GPR39: variants seen among roughly 807,000 people sequenced by gnomAD.
GPR39 encodes the protein zinc sensing receptor.
A neutral mutation model predicts 18.4 loss-of-function variants in GPR39; 23 were observed. The ratio of observed to expected loss-of-function variants is 1.25; its 90% CI spans 0.90 to 1.77. The LOEUF is 1.77. Ranked by LOEUF, GPR39 falls within the 40% of genes most tolerant of loss-of-function variation. The probability of loss-of-function intolerance (pLI) is 0.00; values close to 1 mark genes in which losing one functional copy is unlikely to be tolerated. For missense variants in GPR39, 647 were observed against 602.4 expected (o/e 1.07, Z -0.78); for synonymous variants, 280 against 257.9 (o/e 1.09, Z -0.82).
At chr2:132,574,818 C>G (rs1680502435) in intron 1 of GPR39, among the ~76,000 whole-genome samples, 1 of 152,094 alleles carries the variant, frequency 6.6e-6, no homozygotes, top group Non-Finnish European at 1.5e-5. Context: ...GTAAAAGATA[C>G]AACTTAGTAT....
At chr2:132,585,234 C>T (rs939064471) in intron 1 of GPR39, among the ~76,000 whole-genome samples, 4 of 152,134 alleles carry the variant, frequency 2.6e-5, no homozygotes, top group African/African-American at 9.7e-5. Flanking sequence ...TGGGGGCTCT[C>T]TGTGGGCCCT....
At chr2:132,459,216 G>A (rs1260190963) in intron 1 of GPR39, among the ~76,000 whole-genome samples, 1 of 151,588 alleles carries the variant, frequency 6.6e-6, no homozygotes, top group Admixed American at 6.6e-5. Flanking sequence ...TAGAATTTGT[G>A]TTTGTGTCTC....
chr2:132,498,301 T>G (rs201500825), intron 1 of GPR39, among the ~76,000 whole-genome samples: 1 of 152,178 alleles, frequency 6.6e-6, no homozygotes. Context: ...TCCTCATAGC[T>G]TAGCTTCCAC....
intron 1 of GPR39, among the ~76,000 whole-genome samples, chr2:132,607,892 C>G (rs1219416133): frequency 6.6e-6 from 1 of 152,120 alleles, no homozygotes; most frequent in African/African-American, 2.4e-5. Flanking sequence ...TGTTTCAAAA[C>G]AGTGAGGATC....
At chr2:132,513,462 C>CAAAA (rs35917253) in intron 1 of GPR39, among the ~76,000 whole-genome samples, 55,123 of 148,928 alleles carry the variant, frequency 0.37, 10,831 homozygotes, top group Non-Finnish European at 0.44. Flanking sequence ...GACTCTGTCT[C>CAAAA]AAAAAAAAAG....
chr2:132,631,692 A>G (rs1681652215), intron 1 of GPR39, among the ~76,000 whole-genome samples: 1 of 152,250 alleles, frequency 6.6e-6, no homozygotes, highest in Non-Finnish European at 1.5e-5. Flanking sequence ...AGATAATAAG[A>G]AATGGAATTT....
intron 1 of GPR39, among the ~76,000 whole-genome samples, chr2:132,492,898 C>T (rs1360534330): frequency 1.5e-5 from 2 of 133,664 alleles, no homozygotes; most frequent in African/African-American, 5.7e-5. Flanking sequence ...ATATATATAC[C>T]ATATATATAC....
chr2:132,443,715 T>A (rs1464947702), intron 1 of GPR39, among the ~76,000 whole-genome samples: 2 of 152,230 alleles, frequency 1.3e-5, no homozygotes, highest in African/African-American at 4.8e-5. Context: ...TTAGTCAATT[T>A]GCTGATCTTT....
chr2:132,561,577 TACACACACACAC>T (rs55653432), intron 1 of GPR39, among the ~76,000 whole-genome samples: 16,861 of 147,926 alleles, frequency 0.11, 1,089 homozygotes, highest in East Asian at 0.25. Flanking sequence ...AATATGAGTG[TACACACACACAC>T]ACACACACAC....
At chr2:132,495,272 T>A (rs1410551397) in intron 1 of GPR39, among the ~76,000 whole-genome samples, 1 of 152,156 alleles carries the variant, frequency 6.6e-6, no homozygotes, top group Non-Finnish European at 1.5e-5. Flanking sequence ...AACCTTACAT[T>A]TGTCAAGAAA....
At chr2:132,441,548 G>C (rs1405162504) in intron 1 of GPR39, among the ~76,000 whole-genome samples, 1 of 152,196 alleles carries the variant, frequency 6.6e-6, no homozygotes, top group African/African-American at 2.4e-5. Flanking sequence ...GCTTGGTGCT[G>C]TGTGTGGGAA....
At chr2:132,533,550 C>T (rs1216755786) in intron 1 of GPR39, among the ~76,000 whole-genome samples, 2 of 150,750 alleles carry the variant, frequency 1.3e-5, no homozygotes, top group South Asian at 2.1e-4. Flanking sequence ...CAATCCTAAG[C>T]GAAAAGAACA....
chr2:132,587,332 A>AT (rs550341720), intron 1 of GPR39, among the ~76,000 whole-genome samples: 22 of 152,294 alleles, frequency 1.4e-4, no homozygotes, highest in Admixed American at 1.4e-3. Context: ...TTCTCCAGTT[A>AT]TTTTTTAGAT....
At chr2:132,544,912 G>A (rs1679918312) in intron 1 of GPR39, among the ~76,000 whole-genome samples, 1 of 152,200 alleles carries the variant, frequency 6.6e-6, no homozygotes, top group African/African-American at 2.4e-5. Context: ...TAAAACAAAG[G>A]CACCACTCAA....
At chr2:132,476,601 A>C (rs1438905175) in intron 1 of GPR39, among the ~76,000 whole-genome samples, 1 of 129,928 alleles carries the variant, frequency 7.7e-6, no homozygotes, top group East Asian at 2.4e-4. Context: ...ATGCCACTGC[A>C]CTCCAGCCTG....
At chr2:132,543,580 C>G (rs1679895639) in intron 1 of GPR39, among the ~76,000 whole-genome samples, 2 of 152,166 alleles carry the variant, frequency 1.3e-5, no homozygotes, top group Non-Finnish European at 2.9e-5. Context: ...CACCTGCCTA[C>G]TTGGACTTTT....
chr2:132,419,584 A>G (rs906563584), intron 1 of GPR39, among the ~76,000 whole-genome samples: 7 of 152,348 alleles, frequency 4.6e-5, no homozygotes, highest in Non-Finnish European at 1.0e-4. Context: ...ACTGGTTGCT[A>G]CTACTCAAAT....
At chr2:132,527,699 G>C (rs1020851070) in intron 1 of GPR39, among the ~76,000 whole-genome samples, 2 of 152,154 alleles carry the variant, frequency 1.3e-5, no homozygotes, top group African/African-American at 4.8e-5. Context: ...CAGTGACGTT[G>C]AGCTTTTTTT....
intron 1 of GPR39, among the ~76,000 whole-genome samples, chr2:132,597,814 C>A (rs1680972104): frequency 6.6e-6 from 1 of 152,132 alleles, no homozygotes; most frequent in Admixed American, 6.5e-5. Context: ...TAGGGAAGTC[C>A]AAACACTATT....
Sources: allele counts gnomAD v4.1 joint callset (sites outside exome capture counted in the v4.1 genomes callset), GRCh38; gene constraint gnomAD v4.1.1; transcripts MANE v1.5; gene names NCBI Gene and HGNC (gene_info 2026-07-23, HGNC 2026-07-21).